The following ESR2 variants were observed in gnomAD, a reference collection of about 807,000 sequenced individuals.
ESR2 encodes estrogen receptor 2.
ESR2 carries 36 observed loss-of-function variants against 49.6 expected under a neutral mutation model. The ratio of observed to expected loss-of-function variants is 0.73; its 90% CI spans 0.56 to 0.96. The LOEUF (loss-of-function observed/expected upper bound fraction) is 0.96. ESR2 is among the 40% of genes least tolerant of loss of function. The probability of loss-of-function intolerance (pLI) is 0.00; values close to 1 mark genes in which losing one functional copy is unlikely to be tolerated. For missense variants in ESR2, 714 were observed against 693.0 expected, an observed-to-expected ratio of 1.03 and a Z score of -0.34; for synonymous variants, 320 against 266.1, an observed-to-expected ratio of 1.20 and a Z score of -1.97.
intron 2 of ESR2, among the ~76,000 whole-genome samples, chr14:64,281,484 T>A (rs896139338): frequency 3.9e-5 from 6 of 152,152 alleles, no homozygotes; most frequent in Admixed American, 6.5e-5. Flanking sequence ...AAAAAAGTTA[T>A]CCACAATGTT....
At chr14:64,317,364 C>T (rs185173343) in intron 1 of ESR2, among the ~76,000 whole-genome samples, 20 of 152,268 alleles carry the variant, frequency 1.3e-4, no homozygotes, top group East Asian at 9.6e-4. Context: ...AAGCATGGTG[C>T]GGGGCATCTG....
intron 1 of ESR2, among the ~76,000 whole-genome samples, chr14:64,315,895 C>T (rs1466941731): frequency 2.6e-5 from 4 of 152,174 alleles, no homozygotes; most frequent in African/African-American, 7.2e-5. Flanking sequence ...CCTCGTGATC[C>T]ACCCGCCTCA....
At chr14:64,280,766 T>C (rs772249340) in intron 2 of ESR2, among the ~76,000 whole-genome samples, 5 of 152,242 alleles carry the variant, frequency 3.3e-5, no homozygotes, top group African/African-American at 9.6e-5. Context: ...TCCTAGCACA[T>C]TGGGGAGCCA....
At chr14:64,236,902 C>A (rs1259534240) in intron 7 of ESR2, among the ~76,000 whole-genome samples, 1 of 151,976 alleles carries the variant, frequency 6.6e-6, no homozygotes, top group Non-Finnish European at 1.5e-5. Context: ...ACACACCCCA[C>A]AGCCACCCTT....
At chr14:64,331,822 C>CAAA (rs368932180) in intron 1 of ESR2, among the ~76,000 whole-genome samples, 1,234 of 52,110 alleles carry the variant, frequency 0.024, 46 homozygotes, top group African/African-American at 0.075. Flanking sequence ...GACTCCATCT[C>CAAA]AAAAAAAAAA....
At chr14:64,294,425 GAGT>G (rs2076926007), upstream of ESR2, 1 of 152,358 alleles carries the variant, frequency 6.6e-6, no homozygotes, top group Non-Finnish European at 1.5e-5. Flanking sequence ...GGGTAGAGGG[GAGT>G]AGTGCCTGAG....
rs532886837 is a variant in ESR2 at position 64,268,658 on chromosome 14, C to T, written c.652+137G>A. 40 of 636,186 alleles carry T rather than the reference C, an allele frequency of 6.3e-5. No homozygotes were observed. The African/African-American group carries it at 6.5e-4, about 10-fold the overall frequency. 39.4% of individuals were successfully genotyped at this position (636,186 alleles called of 1,614,324 possible). A position where few individuals can be genotyped will look rare whatever the true frequency, so the allele number is the denominator to read the frequency against. On this transcript the variant is annotated intron_variant, in intron 4 of 8. Coordinates refer to ENST00000341099, the MANE Select transcript of ESR2 (RefSeq NM_001437.3). ...GTTACTGTGGATAAGTCAATGCCCC[C>T]TCCAATGTGACAACACGCAAATACT...
intron 7 of ESR2, among the ~76,000 whole-genome samples, chr14:64,240,081 C>T (rs796626653): frequency 7.9e-5 from 12 of 152,264 alleles, no homozygotes; most frequent in African/African-American, 2.6e-4. Flanking sequence ...ATATTATAGC[C>T]ATTATTAGTA....
At chr14:64,301,509 G>A (rs1433545719) in intron 1 of ESR2, 3 of 152,172 alleles carry the variant, frequency 2.0e-5, no homozygotes, top group African/African-American at 7.2e-5. Context: ...GGCACCTGTA[G>A]GCTACAAACT....
rs565590334 is a variant in ESR2, at chr14:64,253,825, T to C, written c.1091+3401A>G. On this transcript the variant is annotated intron_variant, in intron 6 of 8. Coordinates refer to ENST00000341099, the MANE Select transcript of ESR2 (RefSeq NM_001437.3). ...ATACATATACAATTCCACGGACCTA[T>C]CTGCAAATGTCCACAATGGGATCCA... 3.5e-4 allele frequency among the ~76,000 whole-genome samples: 54 copies of C among 152,284 alleles called. 1 individual carries two copies. The South Asian group carries it at 8.7e-3, about 25-fold the overall frequency.
intron 4 of ESR2, among the ~76,000 whole-genome samples, chr14:64,266,037 A>G (rs1256449681): frequency 6.6e-6 from 1 of 152,244 alleles, no homozygotes; most frequent in Non-Finnish European, 1.5e-5. Flanking sequence ...GTATATGTGC[A>G]ACAACCCATC....
At chr14:64,331,695 G>A (rs1231567372) in intron 1 of ESR2, among the ~76,000 whole-genome samples, 4 of 151,680 alleles carry the variant, frequency 2.6e-5, no homozygotes, top group East Asian at 1.9e-4. Flanking sequence ...GCGTGGTGGC[G>A]CGCCTGTAAT....
At chr14:64,284,623 C>T (rs2076752010) in intron 1 of ESR2, among the ~76,000 whole-genome samples, 1 of 151,866 alleles carries the variant, frequency 6.6e-6, no homozygotes, top group Admixed American at 6.6e-5. Flanking sequence ...TGCCCGGCCA[C>T]AGTAATAGAC....
intron 1 of ESR2, among the ~76,000 whole-genome samples, chr14:64,293,821 C>T (rs1318651127): frequency 2.6e-5 from 4 of 152,188 alleles, no homozygotes; most frequent in African/African-American, 9.7e-5. Flanking sequence ...CCAGAGCTCA[C>T]GGCACAAACT....
At chr14:64,271,281 C>T (rs1417286316) in intron 3 of ESR2, among the ~76,000 whole-genome samples, 5 of 151,790 alleles carry the variant, frequency 3.3e-5, no homozygotes, top group Admixed American at 3.3e-4. Flanking sequence ...TTCCTAGCCT[C>T]TGGCAACCAA....
chr14:64,304,958 C>A (rs575393684), intron 1 of ESR2, among the ~76,000 whole-genome samples: 2 of 152,150 alleles, frequency 1.3e-5, no homozygotes, highest in Non-Finnish European at 2.9e-5. Context: ...ATTCAAAGAG[C>A]TATTTTCTTC....
chr14:64,233,680 T>TCATCA (rs1285642438), intron 8 of ESR2: 1 of 231,072 alleles, frequency 4.3e-6, no homozygotes, highest in Non-Finnish European at 8.6e-6. Context: ...GGCCACATCT[T>TCATCA]CATCAGCTGA....
At chr14:64,227,425 C>G, downstream of ESR2, 1 of 1,290,106 alleles carries the variant, frequency 7.8e-7, no homozygotes, top group Non-Finnish European at 1.1e-6. Context: ...AGTATTTTAA[C>G]TCTTTCTTTA....
intron 5 of ESR2, chr14:64,260,143 C>T (rs902745947): frequency 3.3e-6 from 2 of 601,478 alleles, no homozygotes. Flanking sequence ...TGCATCTAGC[C>T]ATGGGAAAAG....
Sources: gnomAD v4.1 joint callset for allele counts (sites outside exome capture counted in the v4.1 genomes callset) on GRCh38, gnomAD v4.1.1 for gene constraint, MANE v1.5 for transcripts, NCBI Gene and HGNC (gene_info 2026-07-23, HGNC 2026-07-21) for gene names.